Variants in CNTN5 observed in about 807,000 individuals in gnomAD.
The protein encoded by CNTN5 is contactin-5.
A neutral mutation model predicts 129.1 loss-of-function variants in CNTN5; 77 were observed. The observed-to-expected ratio is 0.60, with a 90% CI of 0.50 to 0.72. The LOEUF (loss-of-function observed/expected upper bound fraction) is 0.72, where lower values mean the gene tolerates loss of function less well. CNTN5 is among the 30% of genes least tolerant of loss of function. The probability of loss-of-function intolerance (pLI) is 0.00; values close to 1 mark genes in which losing one functional copy is unlikely to be tolerated. For missense variants in CNTN5, 1,478 were observed against 1,328.8 expected (o/e 1.11, Z -1.75); for synonymous variants, 509 against 465.6 (o/e 1.09, Z -1.20).
At chr11:100,122,585 T>G (rs1389185983) in intron 13 of CNTN5, among the ~76,000 whole-genome samples, 7 of 151,950 alleles carry the variant, frequency 4.6e-5, no homozygotes. Flanking sequence ...TAGATCTGAG[T>G]AAAATGAAAC....
intron 1 of CNTN5, among the ~76,000 whole-genome samples, chr11:99,245,471 C>G (rs1861768347): frequency 6.6e-6 from 1 of 152,050 alleles, no homozygotes; most frequent in African/African-American, 2.4e-5. Context: ...AGCACTGCCT[C>G]CATGCCCGGC....
intron 1 of CNTN5, among the ~76,000 whole-genome samples, chr11:99,182,025 C>A (rs1858103159): frequency 3.3e-5 from 5 of 152,128 alleles, no homozygotes; most frequent in Admixed American, 2.6e-4. Context: ...CATTGCAAGA[C>A]TTAAACTTAT....
chr11:100,146,896 C>A (rs1946868055), intron 13 of CNTN5, among the ~76,000 whole-genome samples: 1 of 152,046 alleles, frequency 6.6e-6, no homozygotes, highest in African/African-American at 2.4e-5. Flanking sequence ...CTAAGCAATG[C>A]AAAATAAAAT....
chr11:100,272,851 C>T (rs1030356850), intron 18 of CNTN5, among the ~76,000 whole-genome samples: 2 of 152,128 alleles, frequency 1.3e-5, no homozygotes, highest in Non-Finnish European at 2.9e-5. Context: ...TAGACCACCA[C>T]GGACTCTGGA....
chr11:99,145,223 C>T (rs1859718342), intron 1 of CNTN5, among the ~76,000 whole-genome samples: 1 of 152,082 alleles, frequency 6.6e-6, no homozygotes, highest in South Asian at 2.1e-4. Context: ...GCATGAGCAA[C>T]CATGCCTGGC....
At chr11:100,271,640 T>C (rs1458870130) in intron 18 of CNTN5, among the ~76,000 whole-genome samples, 1 of 152,208 alleles carries the variant, frequency 6.6e-6, no homozygotes, top group African/African-American at 2.4e-5. Flanking sequence ...TCCTTAGAAC[T>C]CTTTTATGTT....
Position 99,195,736 on chromosome 11 carries a change from T to C in CNTN5, c.-209-129610T>C, listed in dbSNP as rs559274413. On this transcript the variant is annotated intron_variant, in intron 1 of 24. Coordinates refer to ENST00000524871, the MANE Select transcript of CNTN5 (RefSeq NM_014361.4). ...TTTACAAATGGACTAAAATATGGCG[T>C]ACTTATCCACCAGTTTATAAGTGGA... 2.0e-5 allele frequency among the ~76,000 whole-genome samples: 3 copies of C among 152,230 alleles called. No homozygotes were observed. The East Asian group carries it at 5.8e-4, about 29-fold the overall frequency.
intron 3 of CNTN5, among the ~76,000 whole-genome samples, chr11:99,566,465 A>T (rs1293025794): frequency 6.6e-6 from 1 of 152,190 alleles, no homozygotes; most frequent in Admixed American, 6.5e-5. Context: ...GATCACTTTC[A>T]TCTCTTTTCC....
At chr11:99,490,006 G>C (rs1159678070) in intron 2 of CNTN5, among the ~76,000 whole-genome samples, 2 of 152,028 alleles carry the variant, frequency 1.3e-5, no homozygotes, top group African/African-American at 2.4e-5. Flanking sequence ...TATTATATCT[G>C]GACATATTCA....
chr11:100,132,562 A>G (rs1157861510), intron 13 of CNTN5, among the ~76,000 whole-genome samples: 1 of 152,160 alleles, frequency 6.6e-6, no homozygotes, highest in East Asian at 1.9e-4. Flanking sequence ...ACATGGAGAT[A>G]TCATGGATTG....
intron 1 of CNTN5, among the ~76,000 whole-genome samples, chr11:99,103,093 C>G (rs568730676): frequency 2.0e-5 from 3 of 152,094 alleles, no homozygotes; most frequent in African/African-American, 7.2e-5. Context: ...CATCAGATCT[C>G]GTAAGGCTTA....
chr11:99,505,604 C>T (rs1047613123), intron 2 of CNTN5, among the ~76,000 whole-genome samples: 1 of 152,160 alleles, frequency 6.6e-6, no homozygotes, highest in Admixed American at 6.5e-5. Flanking sequence ...TTTGGGAAAT[C>T]TTGTGGTATT....
chr11:99,649,555 C>A (rs1222501070), intron 3 of CNTN5, among the ~76,000 whole-genome samples: 1 of 151,626 alleles, frequency 6.6e-6, no homozygotes, highest in South Asian at 2.1e-4. Flanking sequence ...TTTTTGGTGA[C>A]CTGCAGAACT....
intron 6 of CNTN5, among the ~76,000 whole-genome samples, chr11:99,899,185 A>G (rs184811641): frequency 1.4e-4 from 21 of 152,046 alleles, no homozygotes; most frequent in Admixed American, 7.2e-4. Flanking sequence ...AGATAATTTG[A>G]CATCCTTTTT....
intron 3 of CNTN5, among the ~76,000 whole-genome samples, chr11:99,756,608 T>C (rs892499262): frequency 6.6e-6 from 1 of 152,078 alleles, no homozygotes; most frequent in Non-Finnish European, 1.5e-5. Flanking sequence ...ATTGCCAGAC[T>C]TGCTGTGGTA....
intron 1 of CNTN5, among the ~76,000 whole-genome samples, chr11:99,277,003 A>T (rs2135876204): frequency 6.6e-6 from 1 of 151,712 alleles, no homozygotes; most frequent in African/African-American, 2.4e-5. Flanking sequence ...CTACTCATTT[A>T]TTTCTATTAC....
chr11:99,925,472 T>C lies in CNTN5; in HGVS notation c.673+9323T>C, dbSNP rs80258537. On this transcript the variant is annotated intron_variant, in intron 7 of 24. Coordinates refer to ENST00000524871, the MANE Select transcript of CNTN5 (RefSeq NM_014361.4). ...CCTTCATTGTAAACACTCTAACATA[T>C]AGTATATCCAGTTTGGAAATAATAG... 6.1e-3 allele frequency among the ~76,000 whole-genome samples: 927 copies of C among 152,234 alleles called. 9 individuals carry two copies. Among genetic ancestry groups the C allele is most frequent in the African/African-American group, 0.021 (866 of 41,540 alleles).
chr11:99,658,547 CAGTT>C (rs961289982), intron 3 of CNTN5, among the ~76,000 whole-genome samples: 2 of 151,996 alleles, frequency 1.3e-5, no homozygotes, highest in African/African-American at 2.4e-5. Context: ...GGAATTTAGA[CAGTT>C]AGCTTATTTA....
chr11:100,041,145 T>C (rs886981173), intron 9 of CNTN5, among the ~76,000 whole-genome samples: 15 of 152,138 alleles, frequency 9.9e-5, no homozygotes, highest in Non-Finnish European at 2.2e-4. Flanking sequence ...TTAAATACAC[T>C]CTTTTTCTCT....
Sources: gnomAD v4.1 joint callset for allele counts (sites outside exome capture counted in the v4.1 genomes callset) on GRCh38, gnomAD v4.1.1 for gene constraint, MANE v1.5 for transcripts, NCBI Gene and HGNC (gene_info 2026-07-23, HGNC 2026-07-21) for gene names.